Variants in TMEM44 observed in about 807,000 individuals in gnomAD.
The protein encoded by TMEM44 is transmembrane protein 44.
In TMEM44, 43 loss-of-function variants were observed where a neutral mutation model predicts 47.8. The ratio of observed to expected loss-of-function variants is 0.90; its 90% CI spans 0.70 to 1.16. TMEM44 has a LOEUF of 1.16. Ranked by LOEUF, TMEM44 falls within the 50% of genes most tolerant of loss-of-function variation. The pLI, the probability that TMEM44 is intolerant of heterozygous loss-of-function variation, is 0.00. For missense variants in TMEM44, 568 were observed against 555.2 expected, an observed-to-expected ratio of 1.02 and a Z score of -0.23; for synonymous variants, 277 against 238.8, an observed-to-expected ratio of 1.16 and a Z score of -1.48.
At chr3:194,623,199 G>A (rs1328890261) in intron 5 of TMEM44, 25 bp downstream of exon 5, 2 of 1,586,946 alleles carry the variant, frequency 1.3e-6, no homozygotes, top group Non-Finnish European at 1.7e-6. Context: ...GTGACCCACA[G>A]TCCCATCCCC....
chr3:194,595,620 T>TTCTC (rs138074702), intron 9 of TMEM44, among the ~76,000 whole-genome samples: 369 of 13,794 alleles, frequency 0.027, 31 homozygotes, highest in East Asian at 0.085. Flanking sequence ...TCAGTTCTCA[T>TTCTC]TCTCTATTTT....
chr3:194,629,968 G>A (rs13061896), intron 1 of TMEM44, among the ~76,000 whole-genome samples: 2 of 59,396 alleles, frequency 3.4e-5, no homozygotes, highest in African/African-American at 6.9e-5. Flanking sequence ...TTCCATCGGC[G>A]TCACTGATAG....
At position 194,617,099 on chromosome 3, in the gene TMEM44, A is replaced by G. The variant is rs1323798060; in HGVS notation, c.783T>C (p.Ala261=). 6.6e-6 allele frequency: 10 copies of G among 1,521,810 alleles called. No homozygotes were observed. The South Asian group carries it at 1.0e-4, about 15-fold the overall frequency. The allele number at this position is 1,521,810 out of a possible 1,614,324, so 94.3% of individuals were successfully genotyped here. The change falls in exon 6 of 10, where the codon GCT becomes GCC. Residue 261 remains alanine, a splice_region_variant and synonymous_variant. Coordinates refer to ENST00000347147, the MANE Select transcript of TMEM44 (RefSeq NM_001011655.3). ...AGCTCCCCAGGCCTGGGGTGGATAC[A>G]GCGAGGTCCAGTGCCGCACGGCCGA... The part of the protein sequence containing the change: ...TSLGRAALDL[A]IIFLSCVMKS...
At chr3:194,628,567 T>C (rs776072179) in intron 1 of TMEM44, 58 bp from the exon 2 acceptor site, 2 of 1,531,534 alleles carry the variant, frequency 1.3e-6, no homozygotes, top group Non-Finnish European at 1.8e-6. Context: ...CCCAAACGCA[T>C]GTATCTAAAA....
At chr3:194,602,457 C>A (rs749707893) in intron 9 of TMEM44, among the ~76,000 whole-genome samples, 2 of 152,138 alleles carry the variant, frequency 1.3e-5, no homozygotes, top group Non-Finnish European at 1.5e-5. Flanking sequence ...CAAAAATTAG[C>A]CGGGCGTGGT....
Position 194,617,144 on chromosome 3 carries a change from T to C in TMEM44, c.738A>G (p.Thr246=), listed in dbSNP as rs1715991482. ...GGCCGAGGGAGGTCAGGAACCAGGG[T>C]GTGGCCCGCAGCAGGTACTCAGGGT... ...DQHPEYLLRA[T]PWFLTSLGRA... is the part of the protein sequence containing the mutation. Residue 246 remains threonine (T), a synonymous_variant, in exon 6 of 10, where the codon ACA becomes ACG. Transcript: ENST00000347147. The C allele has an allele frequency of 1.3e-6, 2 of 1,558,734 alleles. No individual in the cohort carries two copies. The highest frequency in any genetic ancestry group is 2.4e-5 in the East Asian group (1 of 41,632).
At chr3:194,625,200 C>T (rs1717010236) in intron 3 of TMEM44, among the ~76,000 whole-genome samples, 1 of 152,220 alleles carries the variant, frequency 6.6e-6, no homozygotes, top group Admixed American at 6.5e-5. Flanking sequence ...CTTCGCTTGA[C>T]CACCCCGAAC....
At chr3:194,626,059 C>CA in intron 2 of TMEM44, 69 bp from the exon 3 acceptor site, 1 of 1,273,400 alleles carries the variant, frequency 7.9e-7, no homozygotes, top group Non-Finnish European at 1.1e-6. Context: ...AGTTTGTCAT[C>CA]CGGGACCCTG....
chr3:194,596,274 C>A (rs576609587), intron 9 of TMEM44, among the ~76,000 whole-genome samples: 1 of 152,250 alleles, frequency 6.6e-6, no homozygotes, highest in South Asian at 2.1e-4. Context: ...GCGCCTGCAT[C>A]GCAATCAGGA....
intron 9 of TMEM44, among the ~76,000 whole-genome samples, chr3:194,595,856 A>C (rs1480723893): frequency 6.6e-6 from 1 of 151,652 alleles, no homozygotes; most frequent in Non-Finnish European, 1.5e-5. Context: ...CAAACTCCTG[A>C]CCTTGTGATC....
intron 8 of TMEM44, among the ~76,000 whole-genome samples, chr3:194,608,413 G>T (rs1714981148): frequency 6.6e-6 from 1 of 152,248 alleles, no homozygotes; most frequent in Non-Finnish European, 1.5e-5. Context: ...GCCCAGGACT[G>T]CAAGGTTATA....
intron 9 of TMEM44, chr3:194,593,107 G>A: frequency 6.2e-7 from 1 of 1,611,412 alleles, no homozygotes; most frequent in Non-Finnish European, 8.5e-7. Flanking sequence ...AAAAAGTGTT[G>A]GACAGATTTT....
intron 9 of TMEM44, chr3:194,597,240 G>C (rs1713526149): frequency 6.6e-6 from 1 of 152,346 alleles, no homozygotes; most frequent in Non-Finnish European, 1.5e-5. Flanking sequence ...GCAATGCTGG[G>C]AAGCACAGAA....
intron 9 of TMEM44, among the ~76,000 whole-genome samples, chr3:194,602,732 G>A (rs773465927): frequency 6.6e-5 from 10 of 152,198 alleles, no homozygotes; most frequent in East Asian, 1.9e-4. Flanking sequence ...TAGTGCTCCC[G>A]GTGAGGGGAG....
At position 194,633,168 on chromosome 3, in the gene TMEM44, G is replaced by A; in HGVS notation, c.48C>T (p.Tyr16=). ...SPAPALWDWD[Y]LDRCFARHRV... ...GGTGGCGGGCGAAGCAGCGGTCCAG[G>A]TAGTCCCAGTCCCAGAGCGCGGGCG... Residue 16 remains tyrosine, a synonymous_variant, in exon 1 of 10, where the codon TAC becomes TAT. Transcript: ENST00000347147. The A allele has an allele frequency of 1.3e-6, 2 of 1,546,540 alleles. No homozygotes were observed. The highest frequency in any genetic ancestry group is 1.4e-5 in the African/African-American group (1 of 72,738).
At chr3:194,633,055 C>CCGCCCGACAGA in intron 1 of TMEM44, 24 bp downstream of exon 1, 1 of 1,545,692 alleles carries the variant, frequency 6.5e-7, no homozygotes, top group Non-Finnish European at 8.7e-7. Flanking sequence ...CGCCCGACAG[C>CCGCCCGACAGA]CCCCCGACCC....
intron 8 of TMEM44, among the ~76,000 whole-genome samples, chr3:194,609,742 T>C (rs1715121070): frequency 6.6e-6 from 1 of 152,098 alleles, no homozygotes; most frequent in Admixed American, 6.5e-5. Context: ...CTGTCTCTGC[T>C]TCTCCGTCTG....
chr3:194,602,375 G>T (rs1013910776), intron 9 of TMEM44, among the ~76,000 whole-genome samples: 25 of 152,330 alleles, frequency 1.6e-4, no homozygotes, highest in African/African-American at 6.0e-4. Context: ...GCCGAGGTGG[G>T]TGGATCACCT....
At position 194,606,952 on chromosome 3, in the gene TMEM44, C is replaced by CAAAAAA. The variant is rs561876150; in HGVS notation, c.1018-2513_1018-2508dup. 6.4e-4 allele frequency among the ~76,000 whole-genome samples: 72 copies of CAAAAAA among 111,756 alleles called. 4 individuals carry two copies. The highest frequency in any genetic ancestry group is 2.1e-3 in the African/African-American group (61 of 29,726). 73.3% of individuals were successfully genotyped at this position (111,756 alleles called of 152,430 possible). The stretch of plus-strand genomic sequence containing the variant: ...TGGGCGACAGAGCGAGACTCTGCCT[C>CAAAAAA]AAAAAAAAAAAGGAAAGAATAAAAG... On this transcript the variant is annotated intron_variant, in intron 8 of 9. Transcript: ENST00000347147.
Sources: allele counts gnomAD v4.1 joint callset (sites outside exome capture counted in the v4.1 genomes callset), GRCh38; gene constraint gnomAD v4.1.1; transcripts MANE v1.5; gene names NCBI Gene and HGNC (gene_info 2026-07-23, HGNC 2026-07-21).